The following FBXO42 variants were observed in gnomAD, a reference collection of about 807,000 sequenced individuals.
FBXO42 encodes F-box only protein 42.
Under a neutral mutation model 71.7 loss-of-function variants are expected in FBXO42, and 12 were observed. The ratio of observed to expected loss-of-function variants is 0.17; its 90% confidence interval spans 0.11 to 0.27. The LOEUF (loss-of-function observed/expected upper bound fraction) is 0.27, where lower values mean the gene tolerates loss of function less well. Among genes scored for constraint, FBXO42 ranks in the 10% least tolerant of loss-of-function variants. FBXO42 has a pLI of 1.00. For synonymous variants in FBXO42, 325 were observed against 327.5 expected (o/e 0.99, Z 0.08); for missense variants, 707 against 911.9 (o/e 0.78, Z 2.89).
intron 3 of FBXO42, among the ~76,000 whole-genome samples, chr1:16,305,549 A>C (rs951734951): frequency 6.6e-6 from 1 of 152,030 alleles, no homozygotes; most frequent in African/African-American, 2.4e-5. Context: ...CCCCATCTCT[A>C]CAAAAAATAC....
chr1:16,286,960 A>G (rs2082028003), intron 4 of FBXO42, among the ~76,000 whole-genome samples: 1 of 152,116 alleles, frequency 6.6e-6, no homozygotes, highest in Non-Finnish European at 1.5e-5. Context: ...AGTGCCTATC[A>G]TTTTCAGCCT....
chr1:16,312,586 G>A (rs1163348852), intron 2 of FBXO42, among the ~76,000 whole-genome samples: 3 of 152,018 alleles, frequency 2.0e-5, no homozygotes, highest in African/African-American at 7.2e-5. Flanking sequence ...TTATAACAGT[G>A]GATATGTGTC....
chr1:16,276,747 A>G (rs2081908353), intron 4 of FBXO42, among the ~76,000 whole-genome samples: 1 of 152,262 alleles, frequency 6.6e-6, no homozygotes, highest in Non-Finnish European at 1.5e-5. Flanking sequence ...ACCTGAGAAT[A>G]AGAGAAACAA....
chr1:16,263,882 C>T lies in FBXO42; in HGVS notation c.503-7123G>A, dbSNP rs113723407. On this transcript the variant is annotated intron_variant, in intron 4 of 9. Transcript: ENST00000375592. The stretch of plus-strand genomic sequence containing the variant: ...CTGGAGTGCGATGGCACAATCTTGG[C>T]TCGCTGCAACTTCCACCTCCCAGGT... Among the ~76,000 whole-genome samples the T allele has an allele frequency of 7.0e-3, 1,013 of 145,642 alleles. 4 individuals carry two copies. Among genetic ancestry groups the T allele is most frequent in the Admixed American group, 0.012 (171 of 14,274 alleles).
At chr1:16,255,867 C>G (rs374043388) in intron 5 of FBXO42, 46 bp from the exon 6 acceptor site, 14 of 1,371,442 alleles carry the variant, frequency 1.0e-5, no homozygotes, top group African/African-American at 2.9e-5. Flanking sequence ...GCACCACACA[C>G]TTTATGTAAA....
chr1:16,333,118 T>C lies in FBXO42; in HGVS notation c.-17-17683A>G, dbSNP rs370821328. ...AGAGTTACCTCTTCTTGAGGTTCTATCCCCTCCAGCCAATTAAGTATTCCT... is the reference window on the plus strand; with the variant it reads ...AGAGTTACCTCTTCTTGAGGTTCTACCCCCTCCAGCCAATTAAGTATTCCT... On this transcript the variant is annotated intron_variant, in intron 1 of 9. Coordinates refer to ENST00000375592, the MANE Select transcript of FBXO42 (RefSeq NM_018994.3). Among the ~76,000 whole-genome samples the C allele has an allele frequency of 6.0e-4, 92 of 152,236 alleles. 2 individuals are homozygous for C. In the South Asian group the frequency reaches 0.018, roughly 31 times the overall value.
intron 4 of FBXO42, among the ~76,000 whole-genome samples, chr1:16,274,937 G>C (rs77087518): frequency 2.6e-5 from 4 of 152,048 alleles, no homozygotes; most frequent in Admixed American, 6.6e-5. Context: ...AAAAAGAATC[G>C]CTAATGTAAA....
chr1:16,334,354 A>C (rs1037416335), intron 1 of FBXO42, among the ~76,000 whole-genome samples: 4 of 146,578 alleles, frequency 2.7e-5, no homozygotes, highest in Non-Finnish European at 5.9e-5. Context: ...AATGGCGTGA[A>C]CCCGGGAGGC....
intron 4 of FBXO42, among the ~76,000 whole-genome samples, chr1:16,283,045 T>TATG (rs2100505263): frequency 6.6e-6 from 1 of 152,214 alleles, no homozygotes; most frequent in East Asian, 1.9e-4. Flanking sequence ...GTGAGTCTGC[T>TATG]ATGGGGCCAA....
rs904982018 is a variant in FBXO42, at chr1:16,252,045, G to T, written c.1038+243C>A. On this transcript the variant is annotated intron_variant, in intron 9 of 9. Coordinates refer to ENST00000375592, the MANE Select transcript of FBXO42 (RefSeq NM_018994.3). The surrounding 1 kb of genome is among the most constrained non-coding windows in gnomAD (Gnocchi z 4.4). ...AGGGAACAATCAATTTTTGTTAGAA[G>T]GAGAAGGGAAAGTTTCACAGACAAA... 6.6e-6 allele frequency among the ~76,000 whole-genome samples: 1 copy of T among 152,194 alleles called. No individual in the cohort carries two copies. Among genetic ancestry groups the T allele is most frequent in the Admixed American group, 6.5e-5 (1 of 15,274 alleles).
chr1:16,317,024 T>C (rs2082373736), intron 1 of FBXO42, among the ~76,000 whole-genome samples: 1 of 152,218 alleles, frequency 6.6e-6, no homozygotes, highest in Non-Finnish European at 1.5e-5. Flanking sequence ...CTCACGCCTG[T>C]AATCCCAACA....
intron 4 of FBXO42, among the ~76,000 whole-genome samples, chr1:16,269,430 C>T (rs571661108): frequency 4.6e-5 from 7 of 150,660 alleles, no homozygotes; most frequent in Admixed American, 6.6e-5. Flanking sequence ...TTCCCCAGGC[C>T]GGAGTGCAGT....
At chr1:16,323,982 TC>T (rs2082430717) in intron 1 of FBXO42, among the ~76,000 whole-genome samples, 3 of 152,110 alleles carry the variant, frequency 2.0e-5, no homozygotes, top group Admixed American at 6.6e-5. Context: ...GTGAACCACT[TC>T]AGCAGCACTA....
chr1:16,277,445 C>G (rs1470608720), intron 4 of FBXO42, among the ~76,000 whole-genome samples: 1 of 151,996 alleles, frequency 6.6e-6, no homozygotes, highest in African/African-American at 2.4e-5. Context: ...CATATCCAGG[C>G]TGGGCATGGT....
chr1:16,321,731 C>T (rs1172453698), intron 1 of FBXO42, among the ~76,000 whole-genome samples: 5 of 150,648 alleles, frequency 3.3e-5, no homozygotes, highest in East Asian at 1.9e-4. Context: ...TCTGCTCTGT[C>T]GCCCAGGCTA....
At chr1:16,297,644 G>A (rs1230748118) in intron 3 of FBXO42, among the ~76,000 whole-genome samples, 2 of 149,430 alleles carry the variant, frequency 1.3e-5, no homozygotes, top group Non-Finnish European at 3.0e-5. Context: ...GGCAGATCAT[G>A]AAGTCAGCAG....
chr1:16,325,783 G>A (rs555665332), intron 1 of FBXO42, among the ~76,000 whole-genome samples: 307 of 151,860 alleles, frequency 2.0e-3, no homozygotes, highest in African/African-American at 7.0e-3. Context: ...GCGTCACCAC[G>A]CCCAACTAAT....
intron 3 of FBXO42, among the ~76,000 whole-genome samples, chr1:16,299,993 A>G (rs188388955): frequency 7.4e-4 from 112 of 152,228 alleles, no homozygotes; most frequent in African/African-American, 2.6e-3. Context: ...CTTATTGCCT[A>G]TTTTTTATTT....
chr1:16,314,171 C>T (rs1179235775), intron 2 of FBXO42, among the ~76,000 whole-genome samples: 3 of 152,108 alleles, frequency 2.0e-5, no homozygotes, highest in African/African-American at 4.8e-5. Context: ...AGGCTGGTCT[C>T]GAACTTGACC....
Sources: allele counts gnomAD v4.1 joint callset (sites outside exome capture counted in the v4.1 genomes callset), GRCh38; gene constraint gnomAD v4.1.1; non-coding constraint Gnocchi (gnomAD v3.1); transcripts MANE v1.5; gene names NCBI Gene and HGNC (gene_info 2026-07-23, HGNC 2026-07-21).